The following CHN1 variants were observed in gnomAD, a reference collection of about 807,000 sequenced individuals.
The protein encoded by CHN1 is chimerin 1, also known as N-chimaerin.
CHN1 carries 37 observed loss-of-function variants against 59.5 expected under a neutral mutation model. The ratio of observed to expected loss-of-function variants is 0.62; its 90% CI spans 0.48 to 0.82. The LOEUF is 0.82. CHN1 is among the 40% of genes least tolerant of loss of function. The pLI, the probability that CHN1 is intolerant of heterozygous loss-of-function variation, is 0.00. For missense variants in CHN1, 469 were observed against 571.0 expected (o/e 0.82, Z 1.82); for synonymous variants, 206 against 200.4 (o/e 1.03, Z -0.24).
intron 3 of CHN1, among the ~76,000 whole-genome samples, chr2:174,922,564 G>A (rs1689045069): frequency 1.3e-5 from 2 of 152,076 alleles, no homozygotes; most frequent in Admixed American, 1.3e-4. Context: ...GGTGGCACAT[G>A]CCTGTAGTCC....
At chr2:174,901,216 A>G (rs1397547170) in intron 5 of CHN1, among the ~76,000 whole-genome samples, 3 of 152,174 alleles carry the variant, frequency 2.0e-5, no homozygotes, top group Admixed American at 1.3e-4. Flanking sequence ...GCAGATGTGC[A>G]GCCTCACTTC....
intron 6 of CHN1, among the ~76,000 whole-genome samples, chr2:174,855,679 T>C (rs915888895): frequency 6.6e-6 from 1 of 152,128 alleles, no homozygotes; most frequent in Non-Finnish European, 1.5e-5. Flanking sequence ...TACTAGTAAA[T>C]GCTTTACATG....
At chr2:174,812,576 G>T in intron 8 of CHN1, 94 bp from the exon 9 acceptor site, 1 of 1,175,864 alleles carries the variant, frequency 8.5e-7, no homozygotes, top group Non-Finnish European at 1.2e-6. Context: ...ACTCCAGCTT[G>T]AATTAGGTTT....
chr2:174,947,047 A>G (rs1176628736), intron 2 of CHN1, among the ~76,000 whole-genome samples: 1 of 152,162 alleles, frequency 6.6e-6, no homozygotes, highest in Non-Finnish European at 1.5e-5. Flanking sequence ...TGCTCTGGAA[A>G]GTGCTGCCAT....
chr2:174,840,393 T>C (rs371738142), intron 7 of CHN1, among the ~76,000 whole-genome samples: 2 of 152,146 alleles, frequency 1.3e-5, no homozygotes, highest in Non-Finnish European at 1.5e-5. Flanking sequence ...CTTAAACTCC[T>C]GGGCTCAAGC....
intron 12 of CHN1, among the ~76,000 whole-genome samples, chr2:174,800,780 A>G (rs1309204384): frequency 1.3e-5 from 2 of 152,198 alleles, no homozygotes; most frequent in African/African-American, 4.8e-5. Flanking sequence ...ATGTGTTTAT[A>G]TGCTTTTTAC....
intron 2 of CHN1, among the ~76,000 whole-genome samples, chr2:174,950,777 GTTT>G (rs34886920): frequency 7.9e-6 from 1 of 127,292 alleles, no homozygotes; most frequent in Non-Finnish European, 1.6e-5. Context: ...ATGCAGAGAA[GTTT>G]TTTTTTTTTT....
chr2:174,821,782 G>A (rs544976055), intron 8 of CHN1: 2 of 445,010 alleles, frequency 4.5e-6, no homozygotes, highest in South Asian at 1.6e-5. Context: ...CTCCAGAACT[G>A]TGAGAAATAA....
chr2:174,998,133 T>A (rs1691770515), intron 1 of CHN1, among the ~76,000 whole-genome samples: 1 of 150,958 alleles, frequency 6.6e-6, no homozygotes, highest in South Asian at 2.1e-4. Flanking sequence ...CAAAACCCCG[T>A]CTCTACTAAA....
chr2:174,987,555 C>T (rs1483975671), intron 1 of CHN1, among the ~76,000 whole-genome samples: 1 of 151,808 alleles, frequency 6.6e-6, no homozygotes, highest in Admixed American at 6.6e-5. Context: ...TAACAAGCGC[C>T]TACCACCACT....
chr2:174,911,331 G>T (rs1395569032), intron 5 of CHN1, among the ~76,000 whole-genome samples: 1 of 152,086 alleles, frequency 6.6e-6, no homozygotes, highest in Non-Finnish European at 1.5e-5. Flanking sequence ...AAACTACAAC[G>T]AATACAAATG....
intron 7 of CHN1, among the ~76,000 whole-genome samples, chr2:174,827,938 A>C (rs1443522762): frequency 6.6e-6 from 1 of 152,124 alleles, no homozygotes; most frequent in East Asian, 1.9e-4. Context: ...GCTGACTCAT[A>C]AGAAAGAGAG....
At chr2:174,972,364 G>C (rs1690785143) in intron 1 of CHN1, among the ~76,000 whole-genome samples, 1 of 152,112 alleles carries the variant, frequency 6.6e-6, no homozygotes, top group Admixed American at 6.5e-5. Flanking sequence ...CTTACTGTCT[G>C]CATCTCAAGA....
chr2:175,003,034 A>AT (rs1691938867), intron 1 of CHN1, among the ~76,000 whole-genome samples: 1 of 152,214 alleles, frequency 6.6e-6, no homozygotes, highest in African/African-American at 2.4e-5. Flanking sequence ...TTGAGTGAGC[A>AT]TAAGAATCAC....
chr2:174,814,832 C>G (rs1410125928), intron 8 of CHN1, among the ~76,000 whole-genome samples: 4 of 151,326 alleles, frequency 2.6e-5, no homozygotes, highest in Non-Finnish European at 5.9e-5. Flanking sequence ...AATTGGATAA[C>G]TGGGGATACA....
intron 7 of CHN1, among the ~76,000 whole-genome samples, chr2:174,843,150 AAC>A (rs1314878041): frequency 2.0e-5 from 3 of 152,218 alleles, no homozygotes; most frequent in Admixed American, 1.3e-4. Flanking sequence ...TGAAACATTT[AAC>A]AGTTTAATTT....
At chr2:174,880,138 G>A (rs1013189076) in intron 5 of CHN1, among the ~76,000 whole-genome samples, 3 of 152,098 alleles carry the variant, frequency 2.0e-5, no homozygotes, top group African/African-American at 4.8e-5. Flanking sequence ...TTCCTGCTCC[G>A]CCTGTACTTC....
intron 1 of CHN1, among the ~76,000 whole-genome samples, chr2:174,998,549 CAG>C (rs982044611): frequency 1.4e-4 from 21 of 152,190 alleles, no homozygotes; most frequent in Admixed American, 5.2e-4. Context: ...AGGTCAGAGT[CAG>C]AGTGGAAAGA....
intron 2 of CHN1, among the ~76,000 whole-genome samples, chr2:174,946,521 A>T (rs1030658162): frequency 1.3e-5 from 2 of 152,196 alleles, no homozygotes; most frequent in Admixed American, 6.5e-5. Flanking sequence ...GAGGTAATAC[A>T]TTGAAACAGT....
Sources: allele counts gnomAD v4.1 joint callset (sites outside exome capture counted in the v4.1 genomes callset), GRCh38; gene constraint gnomAD v4.1.1; transcripts MANE v1.5; gene names NCBI Gene and HGNC (gene_info 2026-07-23, HGNC 2026-07-21).